Variants in STAG1 observed in about 807,000 individuals in gnomAD.
STAG1 encodes the protein cohesin subunit SA-1.
A neutral mutation model predicts 170.9 loss-of-function variants in STAG1; 26 were observed. The ratio of observed to expected loss-of-function variants is 0.15; its 90% CI spans 0.11 to 0.21. The LOEUF (loss-of-function observed/expected upper bound fraction) is 0.21. Ranked by LOEUF, STAG1 falls within the 10% of genes least tolerant of loss-of-function variation. STAG1 has a pLI of 1.00. For missense variants in STAG1, 964 were observed against 1,509.5 expected (o/e 0.64, Z 5.99); for synonymous variants, 514 against 497.7 (o/e 1.03, Z -0.44).
intron 9 of STAG1, among the ~76,000 whole-genome samples, chr3:136,493,360 C>A (rs1394508513): frequency 1.3e-5 from 2 of 151,820 alleles, no homozygotes; most frequent in Admixed American, 1.3e-4. Context: ...CCAAACCAAA[C>A]CAAAACAAAA....
chr3:136,396,558 C>T (rs540949076), intron 22 of STAG1, among the ~76,000 whole-genome samples: 20 of 87,172 alleles, frequency 2.3e-4, no homozygotes, highest in Admixed American at 1.0e-3. Flanking sequence ...GAGACAGTCT[C>T]GCTCTATCGC....
chr3:136,444,887 G>A (rs1455095068), intron 14 of STAG1, among the ~76,000 whole-genome samples: 1 of 151,956 alleles, frequency 6.6e-6, no homozygotes, highest in Non-Finnish European at 1.5e-5. Flanking sequence ...TGGAGACAGG[G>A]TCTCACAGTG....
At chr3:136,529,764 G>C (rs1935273787) in intron 6 of STAG1, among the ~76,000 whole-genome samples, 1 of 151,998 alleles carries the variant, frequency 6.6e-6, no homozygotes, top group Non-Finnish European at 1.5e-5. Flanking sequence ...ATAATCAAAT[G>C]ACACTGCTAC....
chr3:136,706,196 C>T (rs1330516350), intron 1 of STAG1, among the ~76,000 whole-genome samples: 1 of 152,178 alleles, frequency 6.6e-6, no homozygotes, highest in Non-Finnish European at 1.5e-5. Flanking sequence ...AAAGCTGTCC[C>T]TCTAACATCA....
At chr3:136,468,793 C>G (rs2089543259) in intron 12 of STAG1, among the ~76,000 whole-genome samples, 1 of 152,158 alleles carries the variant, frequency 6.6e-6, no homozygotes, top group Non-Finnish European at 1.5e-5. Context: ...CCACCATGAT[C>G]AAGTTGGCTT....
intron 3 of STAG1, among the ~76,000 whole-genome samples, chr3:136,613,408 T>A (rs1939415900): frequency 6.6e-6 from 1 of 151,786 alleles, no homozygotes; most frequent in Non-Finnish European, 1.5e-5. Context: ...TTTCAGCCAT[T>A]CTAATAGGCA....
chr3:136,596,864 G>A (rs1938449882), intron 4 of STAG1, among the ~76,000 whole-genome samples: 1 of 152,174 alleles, frequency 6.6e-6, no homozygotes, highest in Non-Finnish European at 1.5e-5. Context: ...CTTGAGGCCA[G>A]GAGTTCAAGA....
chr3:136,628,559 CCTT>C (rs749483360), intron 2 of STAG1, among the ~76,000 whole-genome samples: 44 of 152,254 alleles, frequency 2.9e-4, no homozygotes, highest in Non-Finnish European at 5.1e-4. Context: ...TAGCCTGCTC[CCTT>C]CTTCTTCTCC....
intron 25 of STAG1, 78 bp downstream of exon 25, chr3:136,366,865 G>A: frequency 1.6e-6 from 2 of 1,240,256 alleles, no homozygotes; most frequent in Admixed American, 2.2e-5. Flanking sequence ...GTCAATTTTA[G>A]CTTCTGTCAT....
At chr3:136,681,314 A>G (rs1942327442) in intron 1 of STAG1, among the ~76,000 whole-genome samples, 1 of 152,250 alleles carries the variant, frequency 6.6e-6, no homozygotes, top group Non-Finnish European at 1.5e-5. Flanking sequence ...GCCCTAATTG[A>G]AGAATATGAA....
chr3:136,738,587 G>A (rs920664652), intron 1 of STAG1, among the ~76,000 whole-genome samples: 1 of 152,104 alleles, frequency 6.6e-6, no homozygotes, highest in African/African-American at 2.4e-5. Flanking sequence ...GGAGGCAGAA[G>A]TTGCAGTGAG....
chr3:136,369,299 A>G lies in STAG1; in HGVS notation c.2371-17T>C. On this transcript the variant is annotated splice_polypyrimidine_tract_variant and intron_variant, in intron 23 of 33. Transcript: ENST00000383202. ...CATGAAAGCCTGGAATACAAAGGCA[A>G]TTTATCAGCAAAATATTACACAAAT... 3 of 1,559,172 alleles carry G rather than the reference A, an allele frequency of 1.9e-6. No individual in the cohort carries two copies. The highest frequency in any genetic ancestry group is 2.6e-6 in the Non-Finnish European group (3 of 1,161,298).
At chr3:136,418,709 T>C (rs894315855) in intron 20 of STAG1, among the ~76,000 whole-genome samples, 4 of 152,032 alleles carry the variant, frequency 2.6e-5, no homozygotes, top group African/African-American at 9.7e-5. Context: ...TGGCAAGATC[T>C]TGGCTCACTG....
At chr3:136,584,207 C>T (rs1937693042) in intron 4 of STAG1, among the ~76,000 whole-genome samples, 1 of 152,220 alleles carries the variant, frequency 6.6e-6, no homozygotes, top group African/African-American at 2.4e-5. Flanking sequence ...ACTGATCTTC[C>T]TTCAAGATTA....
intron 9 of STAG1, among the ~76,000 whole-genome samples, chr3:136,481,714 C>T (rs917719095): frequency 1.0e-5 from 1 of 100,426 alleles, no homozygotes; most frequent in African/African-American, 3.8e-5. Context: ...TGGTCCTGGA[C>T]TCTTTTTGGT....
intron 22 of STAG1, among the ~76,000 whole-genome samples, chr3:136,394,540 C>T (rs894538134): frequency 1.1e-4 from 16 of 152,078 alleles, no homozygotes; most frequent in East Asian, 5.8e-4. Flanking sequence ...CTTTGGGAGG[C>T]TGAGGCGGGT....
chr3:136,468,906 T>G (rs1405732087), intron 12 of STAG1, among the ~76,000 whole-genome samples: 1 of 151,508 alleles, frequency 6.6e-6, no homozygotes, highest in Non-Finnish European at 1.5e-5. Context: ...TCTCAATACA[T>G]GCAGAAAAGG....
chr3:136,362,520 C>A (rs191348834), intron 26 of STAG1, among the ~76,000 whole-genome samples: 1 of 143,846 alleles, frequency 7.0e-6, no homozygotes, highest in African/African-American at 2.6e-5. Flanking sequence ...ATAATCCCAG[C>A]ACTTTGGGAG....
At position 136,338,182 on chromosome 3, in the gene STAG1, A is replaced by T; in HGVS notation, c.*72T>A. The T allele has an allele frequency of 9.8e-7, 1 of 1,017,762 alleles. No individual in the cohort carries two copies. The highest frequency in any genetic ancestry group is 1.4e-5 in the South Asian group (1 of 71,674). The allele number at this position is 1,017,762 out of a possible 1,614,324, so 63.0% of individuals were successfully genotyped here. On this transcript the variant is annotated 3_prime_UTR_variant, in exon 34 of 34. Coordinates refer to ENST00000383202, the MANE Select transcript of STAG1 (RefSeq NM_005862.3). ...TCACATCAAAAGTGTTTTTCCCCAT[A>T]CAAGCTATCACAGTATATAGGCCTC...
Sources: gnomAD v4.1 joint callset for allele counts (sites outside exome capture counted in the v4.1 genomes callset) on GRCh38, gnomAD v4.1.1 for gene constraint, MANE v1.5 for transcripts, NCBI Gene and HGNC (gene_info 2026-07-23, HGNC 2026-07-21) for gene names.